NEGR1: variants seen among roughly 807,000 people sequenced by gnomAD.
The protein encoded by NEGR1 is neuronal growth regulator 1.
Under a neutral mutation model 40.9 loss-of-function variants are expected in NEGR1, and 10 were observed. The ratio of observed to expected loss-of-function variants is 0.24; its 90% CI spans 0.15 to 0.42. NEGR1 has a LOEUF of 0.42. Ranked by LOEUF, NEGR1 falls within the 10% of genes least tolerant of loss-of-function variation. NEGR1 has a pLI of 1.00. For synonymous variants in NEGR1, 185 were observed against 166.8 expected (o/e 1.11, Z -0.84); for missense variants, 352 against 438.9 (o/e 0.80, Z 1.77).
chr1:71,758,593 C>T (rs1479406556), intron 3 of NEGR1, among the ~76,000 whole-genome samples: 2 of 152,054 alleles, frequency 1.3e-5, no homozygotes, highest in Non-Finnish European at 2.9e-5. Context: ...CCAAGAAAAA[C>T]ATAATTTTAA....
At chr1:71,880,110 A>G (rs80239450) in intron 2 of NEGR1, among the ~76,000 whole-genome samples, 86 of 152,192 alleles carry the variant, frequency 5.7e-4, no homozygotes, top group African/African-American at 1.9e-3. Flanking sequence ...TTAACTTTAA[A>G]CTTTCAGATT....
At chr1:71,821,150 G>A (rs547352447) in intron 2 of NEGR1, among the ~76,000 whole-genome samples, 31 of 152,106 alleles carry the variant, frequency 2.0e-4, no homozygotes, top group African/African-American at 7.0e-4. Flanking sequence ...TCAGGGCTAT[G>A]TTAACTCTTC....
chr1:71,675,126 T>TATATATATATATATATATATACACACAC (rs145354058), intron 4 of NEGR1, among the ~76,000 whole-genome samples: 9 of 77,828 alleles, frequency 1.2e-4, no homozygotes, highest in Admixed American at 6.3e-4. Context: ...TATATATATA[T>TATATATATATATATATATATACACACAC]ACACACACAC....
At chr1:72,126,139 G>T (rs1199991047) in intron 1 of NEGR1, among the ~76,000 whole-genome samples, 1 of 150,770 alleles carries the variant, frequency 6.6e-6, no homozygotes, top group South Asian at 2.1e-4. Context: ...GTGTGTGAAA[G>T]ACAGAGAAAG....
chr1:72,106,003 G>A (rs1347225705), intron 1 of NEGR1, among the ~76,000 whole-genome samples: 1 of 152,068 alleles, frequency 6.6e-6, no homozygotes, highest in Non-Finnish European at 1.5e-5. Context: ...ATATGACTTT[G>A]CCCTAGAATA....
intron 4 of NEGR1, among the ~76,000 whole-genome samples, chr1:71,656,310 G>T (rs907700628): frequency 6.6e-6 from 1 of 152,276 alleles, no homozygotes; most frequent in African/African-American, 2.4e-5. Context: ...TAACAGGAAA[G>T]AATCCCTTAA....
At chr1:71,418,406 C>T (rs1018611666) in intron 6 of NEGR1, among the ~76,000 whole-genome samples, 6 of 151,970 alleles carry the variant, frequency 3.9e-5, no homozygotes, top group African/African-American at 9.6e-5. Flanking sequence ...CTCTGCCTCT[C>T]GGGTTCACGC....
At chr1:72,101,229 T>C (rs1648926067) in intron 1 of NEGR1, among the ~76,000 whole-genome samples, 1 of 152,178 alleles carries the variant, frequency 6.6e-6, no homozygotes. Flanking sequence ...TGTAGTTTTC[T>C]AACAAAATCA....
chr1:71,640,026 C>G (rs1342686159), intron 4 of NEGR1, among the ~76,000 whole-genome samples: 3 of 151,982 alleles, frequency 2.0e-5, no homozygotes, highest in African/African-American at 7.2e-5. Flanking sequence ...TATATGTTGC[C>G]TGCTCTTACA....
chr1:71,817,082 A>T (rs1380418735), intron 2 of NEGR1, among the ~76,000 whole-genome samples: 1 of 152,120 alleles, frequency 6.6e-6, no homozygotes, highest in South Asian at 2.1e-4. Flanking sequence ...GCCCACTCCA[A>T]TCAGGTTTCC....
rs78154319 is a variant in NEGR1, at chr1:72,247,301, G to A, written c.176+35018C>T. 5.6e-3 allele frequency among the ~76,000 whole-genome samples: 854 copies of A among 152,138 alleles called. 8 individuals carry two copies. In the Middle Eastern group the frequency reaches 0.058, roughly 10 times the overall value. The stretch of plus-strand genomic sequence containing the variant: ...AGAAAGCTTTTTCTTTCCTTGACAC[G>A]TGGCCAGGCTGCTAATTTTCCAAAC... On this transcript the variant is annotated intron_variant, in intron 1 of 6. Coordinates refer to ENST00000357731, the MANE Select transcript of NEGR1 (RefSeq NM_173808.3).
At chr1:71,987,653 C>T (rs569892481) in intron 1 of NEGR1, among the ~76,000 whole-genome samples, 1 of 152,276 alleles carries the variant, frequency 6.6e-6, no homozygotes, top group South Asian at 2.1e-4. Flanking sequence ...GCATTCCCCA[C>T]AGCATTTCAG....
At chr1:72,216,399 A>G (rs1380425846) in intron 1 of NEGR1, among the ~76,000 whole-genome samples, 6 of 124,896 alleles carry the variant, frequency 4.8e-5, no homozygotes, top group Non-Finnish European at 9.6e-5. Flanking sequence ...ATATATATAT[A>G]TACATATATA....
At chr1:71,971,561 C>T (rs1646256861) in intron 1 of NEGR1, among the ~76,000 whole-genome samples, 1 of 152,156 alleles carries the variant, frequency 6.6e-6, no homozygotes, top group South Asian at 2.1e-4. Context: ...CATGTAAGTG[C>T]TGTTGTAAGT....
intron 1 of NEGR1, among the ~76,000 whole-genome samples, chr1:72,152,122 C>T (rs1651149108): frequency 6.6e-6 from 1 of 151,674 alleles, no homozygotes; most frequent in Non-Finnish European, 1.5e-5. Context: ...CATATTAGAA[C>T]TTAAGCATAA....
intron 2 of NEGR1, among the ~76,000 whole-genome samples, chr1:71,932,596 A>C (rs1645866074): frequency 6.6e-6 from 1 of 152,082 alleles, no homozygotes; most frequent in Non-Finnish European, 1.5e-5. Flanking sequence ...CCTTTTCAAA[A>C]TGATTTAAAA....
intron 2 of NEGR1, among the ~76,000 whole-genome samples, chr1:71,882,597 TAAAC>T (rs1417356454): frequency 6.6e-6 from 1 of 151,964 alleles, no homozygotes; most frequent in Non-Finnish European, 1.5e-5. Context: ...CCTTAAAAAT[TAAAC>T]AGACACTGTG....
intron 1 of NEGR1, among the ~76,000 whole-genome samples, chr1:71,944,224 T>C (rs985931222): frequency 6.6e-6 from 1 of 152,120 alleles, no homozygotes; most frequent in Non-Finnish European, 1.5e-5. Flanking sequence ...CCTGGAGAAG[T>C]TGGACTTTCA....
intron 2 of NEGR1, among the ~76,000 whole-genome samples, chr1:71,785,785 T>C (rs1459863362): frequency 6.6e-6 from 1 of 152,204 alleles, no homozygotes; most frequent in Non-Finnish European, 1.5e-5. Context: ...TTTAGGGTTT[T>C]TGAAAACATG....
Sources: gnomAD v4.1 joint callset for allele counts (sites outside exome capture counted in the v4.1 genomes callset) on GRCh38, gnomAD v4.1.1 for gene constraint, MANE v1.5 for transcripts, NCBI Gene and HGNC (gene_info 2026-07-23, HGNC 2026-07-21) for gene names.